ALDH4A1: variants seen among roughly 807,000 people sequenced by gnomAD.
The protein encoded by ALDH4A1 is aldehyde dehydrogenase 4 family member A1, also known as delta-1-pyrroline-5-carboxylate dehydrogenase, mitochondrial.
In ALDH4A1, 46 loss-of-function variants were observed where a neutral mutation model predicts 70.5. That is an observed-to-expected ratio of 0.65 (90% CI 0.51 to 0.83). The LOEUF (loss-of-function observed/expected upper bound fraction) is 0.83, where lower values mean the gene tolerates loss of function less well. Among genes scored for constraint, ALDH4A1 ranks in the 40% least tolerant of loss-of-function variants. ALDH4A1 has a pLI of 0.00. For missense variants in ALDH4A1, 749 were observed against 766.5 expected, an observed-to-expected ratio of 0.98 and a Z score of 0.27; for synonymous variants, 323 against 324.3, an observed-to-expected ratio of 1.00 and a Z score of 0.04.
chr1:18,879,539 A>G (rs113321109), intron 8 of ALDH4A1, among the ~76,000 whole-genome samples, 166 bp from the exon 9 acceptor site: 2,220 of 152,222 alleles, frequency 0.015, 54 homozygotes, highest in African/African-American at 0.051. Context: ...GGAGCGGGCA[A>G]CGGGGGGCTA....
Position 18,877,257 on chromosome 1 carries a change from T to C in ALDH4A1, c.1138-2A>G. The C allele has an allele frequency of 6.2e-7, 1 of 1,604,864 alleles. No individual in the cohort carries two copies. Among genetic ancestry groups the C allele is most frequent in the South Asian group, 1.1e-5 (1 of 89,396 alleles). ...GAAGGTCCCAAAATCCTCTGCAGGCTGGAGGCAAGGGAGGCGCCAGAAGAG... is the reference window on the plus strand; with the variant it reads ...GAAGGTCCCAAAATCCTCTGCAGGCCGGAGGCAAGGGAGGCGCCAGAAGAG... On this transcript the variant is annotated splice_acceptor_variant, in intron 10 of 14. Coordinates refer to ENST00000375341, the MANE Select transcript of ALDH4A1 (RefSeq NM_003748.4). LOFTEE classifies it high-confidence loss of function.
chr1:18,900,834 G>A (rs1214761839), intron 1 of ALDH4A1: 1 of 983,310 alleles, frequency 1.0e-6, no homozygotes, highest in African/African-American at 1.7e-5. Flanking sequence ...TCTGATGGCA[G>A]ATCGTTTCCC....
In ALDH4A1 at chr1:18,874,488, C is replaced by T. The variant is rs1934584305; in HGVS notation, c.1554G>A (p.Gln518=). 3 of 1,614,132 alleles carry T rather than the reference C, an allele frequency of 1.9e-6. No individual in the cohort carries two copies. Among genetic ancestry groups the T allele is most frequent in the South Asian group, 2.2e-5 (2 of 91,088 alleles). ...DKSTGSIVGQ[Q]PFGGARASGT... ...CAGAGGCTCGGGCCCCCCCAAAGGG[C>T]TGCTGGCCCACTATCGAGCCAGTGG... Residue 518 remains glutamine (Q), a synonymous_variant, in exon 14 of 15, where the codon CAG becomes CAA. Transcript: ENST00000375341.
rs1425308044 is a variant in ALDH4A1 at position 18,902,410 on chromosome 1, TCCCGGGCCCCAGGCGCGCGCTCGGGCCGC to T, written c.62+23_62+51del. On this transcript the variant is annotated intron_variant, in intron 1 of 14. Coordinates refer to ENST00000375341, the MANE Select transcript of ALDH4A1 (RefSeq NM_003748.4). The stretch of plus-strand genomic sequence containing the variant: ...GGGGGACGCCCAGTGACTCTCAGGC[TCCCGGGCCCCAGGCGCGCGCTCGGGCCGC>T]CCCGGGCCCCGTGCTCACTCACCCG... The T allele has an allele frequency of 7.6e-5, 98 of 1,290,010 alleles. 2 individuals carry two copies. In the Admixed American group the frequency reaches 8.7e-4, roughly 11 times the overall value. 79.9% of individuals were successfully genotyped at this position (1,290,010 alleles called of 1,614,324 possible). A position where few individuals can be genotyped will look rare whatever the true frequency, so the allele number is the denominator to read the frequency against.
chr1:18,875,367 G>C lies in ALDH4A1; in HGVS notation c.1460+15C>G, dbSNP rs371777923. On this transcript the variant is annotated intron_variant, in intron 13 of 14. Coordinates refer to ENST00000375341, the MANE Select transcript of ALDH4A1 (RefSeq NM_003748.4). ...ACCCGGAGCACAGCACCAGGGCTGC[G>C]GCCTGGCCACTCACTTATCCTGGGA... is the stretch of plus-strand genomic sequence containing the variant. The C allele has an allele frequency of 1.2e-6, 2 of 1,614,004 alleles. No homozygotes were observed. Among genetic ancestry groups the C allele is most frequent in the East Asian group, 2.2e-5 (1 of 44,878 alleles).
chr1:18,881,911 T>C (rs1280971397), intron 7 of ALDH4A1, 24 bp from the exon 8 acceptor site: 4 of 1,607,918 alleles, frequency 2.5e-6, no homozygotes, highest in African/African-American at 1.3e-5. Flanking sequence ...GTTTCAGTGA[T>C]GCATGAGGAT....
intron 1 of ALDH4A1, chr1:18,890,909 G>C: frequency 1.0e-6 from 1 of 985,284 alleles, no homozygotes; most frequent in Non-Finnish European, 1.2e-6. Flanking sequence ...TGAGAGCTCT[G>C]GCTGGGCAGG....
chr1:18,880,108 A>T lies in ALDH4A1; in HGVS notation c.867-735T>A, dbSNP rs1000686385. Among the ~76,000 whole-genome samples the T allele has an allele frequency of 6.6e-6, 1 of 152,162 alleles. No homozygotes were observed. The highest frequency in any genetic ancestry group is 2.1e-4 in the South Asian group (1 of 4,834). On this transcript the variant is annotated intron_variant, in intron 8 of 14. Coordinates refer to ENST00000375341, the MANE Select transcript of ALDH4A1 (RefSeq NM_003748.4). This position sits in a 1 kb window ranked among gnomAD's most constrained non-coding sequence, Gnocchi z 5.1. Reference sequence around the variant, plus strand: ...GAGCCCAGGGGCCCGTGGCTGGCAGAGCAGGCCTTTTGGAAAACGGCCCTT... The same window carrying T: ...GAGCCCAGGGGCCCGTGGCTGGCAGTGCAGGCCTTTTGGAAAACGGCCCTT...
intron 9 of ALDH4A1, 103 bp from the exon 10 acceptor site, chr1:18,877,715 G>GAGCACGGAGC: frequency 1.5e-6 from 2 of 1,373,290 alleles, no homozygotes; most frequent in Non-Finnish European, 2.0e-6. Context: ...GGACCAACAC[G>GAGCACGGAGC]AGCACGGAGC....
chr1:18,889,710 T>C (rs1325188495), intron 2 of ALDH4A1, among the ~76,000 whole-genome samples: 1 of 152,228 alleles, frequency 6.6e-6, no homozygotes, highest in African/African-American at 2.4e-5. Context: ...GAAACTTATA[T>C]GAAATCTCAT....
chr1:18,886,347 T>C (rs1408281216), intron 4 of ALDH4A1, 117 bp downstream of exon 4: 5 of 1,218,938 alleles, frequency 4.1e-6, no homozygotes, highest in East Asian at 2.3e-5. Context: ...CTACCCACCA[T>C]GGCCAAAGAA....
intron 13 of ALDH4A1, among the ~76,000 whole-genome samples, chr1:18,874,823 T>G (rs1214388898): frequency 6.6e-6 from 1 of 152,198 alleles, no homozygotes. Context: ...TACTGCGAAG[T>G]TGAAGGGAGT....
Position 18,889,398 on chromosome 1 carries a change from C to T in ALDH4A1, c.213G>A (p.Glu71=). ...MEAIPCVVGD[E]EVWTSDVQYQ... is the part of the protein sequence containing the mutation. Reference sequence around the variant, plus strand: ...ACTGCACGTCCGACGTCCACACCTCCTCATCCCCCACCACGCATGGGATGG... The same window carrying T: ...ACTGCACGTCCGACGTCCACACCTCTTCATCCCCCACCACGCATGGGATGG... The change falls in exon 3 of 15, where the codon GAG becomes GAA. Residue 71 remains glutamate, a synonymous_variant. Coordinates refer to ENST00000375341, the MANE Select transcript of ALDH4A1 (RefSeq NM_003748.4). 6.4e-7 allele frequency: 1 copy of T among 1,552,998 alleles called. No homozygotes were observed.
rs1934469070 is a variant in ALDH4A1, at chr1:18,872,205, G to A, written c.*640C>T. 6.6e-6 allele frequency: 1 copy of A among 152,574 alleles called. No homozygotes were observed. 9.5% of individuals were successfully genotyped at this position (152,574 alleles called of 1,614,324 possible). On this transcript the variant is annotated 3_prime_UTR_variant, in exon 15 of 15. Coordinates refer to ENST00000375341, the MANE Select transcript of ALDH4A1 (RefSeq NM_003748.4). ...TCCAGCGGCCCCCCAACCCCGCCAT[G>A]TGGTGCAGACCGGGAATCACACAGG...
Position 18,889,327 on chromosome 1 carries a change from G to A in ALDH4A1, c.249+35C>T, listed in dbSNP as rs550080907. On this transcript the variant is annotated intron_variant, in intron 3 of 14. Coordinates refer to ENST00000375341, the MANE Select transcript of ALDH4A1 (RefSeq NM_003748.4). The stretch of plus-strand genomic sequence containing the variant: ...CAGAGAAAGAGGTCACATATTCAGG[G>A]GAGGGGCTGAGCTCTGCCCACCCGC... 3.9e-4 allele frequency: 591 copies of A among 1,526,204 alleles called. 2 individuals are homozygous for A. Among genetic ancestry groups the A allele is most frequent in the Admixed American group, 2.1e-3 (108 of 50,938 alleles). The allele number at this position is 1,526,204 out of a possible 1,614,324, so 94.5% of individuals were successfully genotyped here.
In ALDH4A1 at chr1:18,886,648, C is replaced by G; in HGVS notation, c.250-137G>C. On this transcript the variant is annotated intron_variant, in intron 3 of 14. Coordinates refer to ENST00000375341, the MANE Select transcript of ALDH4A1 (RefSeq NM_003748.4). ...TCCCCCCTCCCCCGCTCCCATGAAA[C>G]CCTCCCCAGTGCCCGGCCCACAGGT... is the stretch of plus-strand genomic sequence containing the variant. 8.6e-6 allele frequency: 8 copies of G among 932,302 alleles called. No individual in the cohort carries two copies. The South Asian group carries it at 1.1e-4, about 13-fold the overall frequency. 57.8% of individuals were successfully genotyped at this position (932,302 alleles called of 1,614,324 possible).
At position 18,885,565 on chromosome 1, in the gene ALDH4A1, T is replaced by C. The variant is rs779876883; in HGVS notation, c.361A>G (p.Ile121Val). The C allele has an allele frequency of 7.2e-5, 116 of 1,613,362 alleles. No individual in the cohort carries two copies. The highest frequency in any genetic ancestry group is 9.3e-5 in the Non-Finnish European group (110 of 1,179,818). ...AGGAAGATCTGGGCCCGGTCTGCAA[T>C]AGGCTTCAGGTCCCACTCTTTCCGG... Reference protein sequence around the residue: ...AARKEWDLKPIADRAQIFLKA... With the variant: ...AARKEWDLKPVADRAQIFLKA... Residue 121 changes from isoleucine (I) to valine (V), a missense_variant, in exon 5 of 15, where the codon ATT (isoleucine) becomes GTT (valine). Ile to Val is a conservative substitution (Grantham distance 29). Coordinates refer to ENST00000375341, the MANE Select transcript of ALDH4A1 (RefSeq NM_003748.4).
intron 11 of ALDH4A1, among the ~76,000 whole-genome samples, 194 bp from the exon 12 acceptor site, chr1:18,876,661 C>CTGTGTGTGTGTATGTGTGTGTGTG (rs1553153211): frequency 0.018 from 2,589 of 146,824 alleles, 34 homozygotes; most frequent in Non-Finnish European, 0.027. Context: ...GACATGAACA[C>CTGTGTGTGTGTATGTGTGTGTGTG]TGTGTGTGTG....
intron 3 of ALDH4A1, among the ~76,000 whole-genome samples, chr1:18,888,195 G>A (rs1005591334): frequency 2.0e-5 from 3 of 152,158 alleles, no homozygotes; most frequent in South Asian, 2.1e-4. Flanking sequence ...ACTGGCCGGC[G>A]CTGGTCTAGG....
Sources: allele counts gnomAD v4.1 joint callset (sites outside exome capture counted in the v4.1 genomes callset), GRCh38; gene constraint gnomAD v4.1.1; non-coding constraint Gnocchi (gnomAD v3.1); transcripts MANE v1.5; gene names NCBI Gene and HGNC (gene_info 2026-07-23, HGNC 2026-07-21).